Variants in KAT14 observed in about 807,000 individuals in gnomAD.
KAT14 encodes the protein cysteine-rich protein 2-binding protein.
Under a neutral mutation model 78.4 loss-of-function variants are expected in KAT14, and 66 were observed. That is an observed-to-expected ratio of 0.84 (90% CI 0.69 to 1.03). KAT14 has a LOEUF of 1.03. KAT14 is among the 50% of genes least tolerant of loss of function. The pLI is 0.00. For synonymous variants in KAT14, 344 were observed against 359.4 expected (o/e 0.96, Z 0.48); for missense variants, 870 against 972.5 (o/e 0.89, Z 1.40).
intron 4 of KAT14, among the ~76,000 whole-genome samples, chr20:18,153,431 C>A (rs769965219): frequency 3.3e-5 from 5 of 152,076 alleles, no homozygotes; most frequent in Non-Finnish European, 5.9e-5. Context: ...TTAATGTACC[C>A]CATTTATAAG....
intron 7 of KAT14, among the ~76,000 whole-genome samples, chr20:18,176,084 A>C (rs542172264): frequency 6.6e-6 from 1 of 151,502 alleles, no homozygotes; most frequent in Admixed American, 6.6e-5. Context: ...TGGGCAGATC[A>C]TGATGTCAGG....
chr20:18,184,603 C>G lies in KAT14; in HGVS notation c.1983C>G (p.Gly661=). 6.2e-7 allele frequency: 1 copy of G among 1,604,738 alleles called. No homozygotes were observed. Residue 661 remains glycine, a splice_region_variant and synonymous_variant, in exon 10 of 11, where the codon GGC becomes GGG. Coordinates refer to ENST00000688188, the MANE Select transcript of KAT14 (RefSeq NM_001392073.1). ...TCTCCGATGGTTTCTTTTCTTTAGG[C>G]ATTGACCTGTCTGAGTGTCTGCAGT... is the stretch of plus-strand genomic sequence containing the variant. The part of the protein sequence containing the change: ...NSMCQEFFWP[G]IDLSECLQYP...
intron 1 of KAT14, among the ~76,000 whole-genome samples, chr20:18,138,695 A>AT (rs552486516): frequency 1.8e-3 from 260 of 148,452 alleles, no homozygotes; most frequent in Admixed American, 3.6e-3. Flanking sequence ...CAGTCTCCAG[A>AT]TTTTTTTTTT....
At chr20:18,139,419 A>G (rs2037436319) in intron 1 of KAT14, among the ~76,000 whole-genome samples, 1 of 152,196 alleles carries the variant, frequency 6.6e-6, no homozygotes, top group Admixed American at 6.5e-5. Context: ...TTTGGACCCT[A>G]ACTGAACATC....
At chr20:18,176,168 G>A (rs1021262532) in intron 7 of KAT14, among the ~76,000 whole-genome samples, 5 of 152,076 alleles carry the variant, frequency 3.3e-5, no homozygotes, top group African/African-American at 9.7e-5. Context: ...CAGGCATGCT[G>A]GCGCGTGCCT....
chr20:18,172,727 T>C (rs1021358966), intron 7 of KAT14, among the ~76,000 whole-genome samples: 1 of 152,260 alleles, frequency 6.6e-6, no homozygotes, highest in African/African-American at 2.4e-5. Flanking sequence ...ATCTTTGCCA[T>C]ATCTCAGTCT....
chr20:18,155,948 G>T (rs1433407700), intron 4 of KAT14, among the ~76,000 whole-genome samples: 1 of 152,154 alleles, frequency 6.6e-6, no homozygotes, highest in Non-Finnish European at 1.5e-5. Flanking sequence ...CATGTTTTTA[G>T]CAGCATTATT....
chr20:18,164,456 A>G (rs2038561146), intron 7 of KAT14, among the ~76,000 whole-genome samples: 1 of 152,154 alleles, frequency 6.6e-6, no homozygotes, highest in Non-Finnish European at 1.5e-5. Flanking sequence ...CCCAGGCTCT[A>G]AGCCTGATGC....
intron 7 of KAT14, among the ~76,000 whole-genome samples, chr20:18,175,242 G>A (rs2038993774): frequency 6.6e-6 from 1 of 152,086 alleles, no homozygotes; most frequent in Non-Finnish European, 1.5e-5. Context: ...TCTCCCTCTG[G>A]TGTTGCTTCC....
chr20:18,166,268 T>C (rs1241408324), intron 7 of KAT14, among the ~76,000 whole-genome samples: 3 of 152,222 alleles, frequency 2.0e-5, no homozygotes, highest in African/African-American at 7.2e-5. Context: ...ATCCACTGGC[T>C]GGAGCGGGAC....
chr20:18,176,934 G>A (rs530505249), intron 7 of KAT14, among the ~76,000 whole-genome samples: 10 of 152,242 alleles, frequency 6.6e-5, no homozygotes, highest in Admixed American at 6.5e-4. Flanking sequence ...GGCAGCATTG[G>A]GAGTGGTTTA....
At chr20:18,168,659 TTC>T (rs1357970788) in intron 7 of KAT14, among the ~76,000 whole-genome samples, 2 of 152,200 alleles carry the variant, frequency 1.3e-5, no homozygotes, top group African/African-American at 4.8e-5. Flanking sequence ...GTCTTTTATT[TTC>T]TCTTTTTAAA....
At chr20:18,146,520 G>A (rs972444921) in intron 3 of KAT14, among the ~76,000 whole-genome samples, 4 of 152,080 alleles carry the variant, frequency 2.6e-5, no homozygotes, top group African/African-American at 7.2e-5. Flanking sequence ...TTAGCTGGGT[G>A]CGGTGGCACA....
chr20:18,142,572 G>A lies in KAT14; in HGVS notation c.-89G>A, dbSNP rs1180094994. ...GACACTTTTTGGAAGAGTCTGTCTG[G>A]GTGATCCTGGTAGAAGCCCCATTAG... is the stretch of plus-strand genomic sequence containing the variant. On this transcript the variant is annotated 5_prime_UTR_variant, in exon 2 of 11. Coordinates refer to ENST00000688188, the MANE Select transcript of KAT14 (RefSeq NM_001392073.1). 3.8e-6 allele frequency: 6 copies of A among 1,561,140 alleles called. No homozygotes were observed. Among genetic ancestry groups the A allele is most frequent in the Non-Finnish European group, 5.2e-6 (6 of 1,152,040 alleles).
chr20:18,137,929 A>G lies in KAT14; in HGVS notation c.-576A>G. 2 of 1,473,402 alleles carry G rather than the reference A, an allele frequency of 1.4e-6. No homozygotes were observed. Among genetic ancestry groups the G allele is most frequent in the Middle Eastern group, 4.5e-4 (2 of 4,408 alleles). 91.3% of individuals were successfully genotyped at this position (1,473,402 alleles called of 1,614,324 possible). ...CCTCTGCGCCTCGGGCGGGCGGGAG[A>G]GAGAGGCCGCGGCCGCCAGCGTGGG... On this transcript the variant is annotated 5_prime_UTR_variant, in exon 1 of 11. Transcript: ENST00000688188.
chr20:18,138,518 C>T, intron 1 of KAT14: 2 of 936,432 alleles, frequency 2.1e-6, no homozygotes, highest in Non-Finnish European at 2.5e-6. Context: ...GGGGTTAAAG[C>T]CTAATGTGTT....
At chr20:18,169,722 A>G (rs2038781531) in intron 7 of KAT14, among the ~76,000 whole-genome samples, 1 of 152,246 alleles carries the variant, frequency 6.6e-6, no homozygotes, top group Non-Finnish European at 1.5e-5. Context: ...CACTTTAAAT[A>G]AAAAACTAGA....
chr20:18,172,375 C>G (rs1001636783), intron 7 of KAT14, among the ~76,000 whole-genome samples: 3 of 150,410 alleles, frequency 2.0e-5, no homozygotes, highest in Admixed American at 6.7e-5. Context: ...GCTGGAATTA[C>G]AGGTTTGAGC....
chr20:18,162,804 C>T lies in KAT14; in HGVS notation c.1527C>T (p.Asp509=). The change falls in exon 7 of 11, where the codon GAC becomes GAT. Residue 509 remains aspartate, a synonymous_variant. Transcript: ENST00000688188. ...AKRDRGLPLF[D]LDQVVNAALL... is the part of the protein sequence containing the mutation. The stretch of plus-strand genomic sequence containing the variant: ...GGGATAGGGGATTACCACTTTTTGA[C>T]TTGGATCAAGTTGTTAATGCTGCTC... 1 of 1,614,150 alleles carries T rather than the reference C, an allele frequency of 6.2e-7. No homozygotes were observed. The highest frequency in any genetic ancestry group is 1.7e-5 in the Admixed American group (1 of 60,020).
Sources: gnomAD v4.1 joint callset for allele counts (sites outside exome capture counted in the v4.1 genomes callset) on GRCh38, gnomAD v4.1.1 for gene constraint, MANE v1.5 for transcripts, NCBI Gene and HGNC (gene_info 2026-07-23, HGNC 2026-07-21) for gene names.